The following SCN10A variants were observed in gnomAD, a reference collection of about 807,000 sequenced individuals.
SCN10A encodes the protein sodium voltage-gated channel alpha subunit 10.
In SCN10A, 162 loss-of-function variants were observed where a neutral mutation model predicts 170.7. The ratio of observed to expected loss-of-function variants is 0.95; its 90% CI spans 0.84 to 1.08. The LOEUF (loss-of-function observed/expected upper bound fraction) is 1.08, where lower values mean the gene tolerates loss of function less well. Ranked by LOEUF, SCN10A falls within the 50% of genes least tolerant of loss-of-function variation. The probability of loss-of-function intolerance (pLI) is 0.00; values close to 1 mark genes in which losing one functional copy is unlikely to be tolerated. For missense variants in SCN10A, 2,527 were observed against 2,436.9 expected (o/e 1.04, Z -0.78); for synonymous variants, 985 against 904.6 (o/e 1.09, Z -1.59).
At chr3:38,781,170 A>G (rs554774669) in intron 4 of SCN10A, among the ~76,000 whole-genome samples, 2 of 152,124 alleles carry the variant, frequency 1.3e-5, no homozygotes, top group Non-Finnish European at 2.9e-5. Context: ...GATGTGCGAT[A>G]AAAAGTGAAT....
rs1481868189 is a variant in SCN10A, at chr3:38,722,391, C to G, written c.3374G>C (p.Cys1125Ser). 4 of 1,613,842 alleles carry G rather than the reference C, an allele frequency of 2.5e-6. No homozygotes were observed. Among genetic ancestry groups the G allele is most frequent in the Non-Finnish European group, 2.5e-6 (3 of 1,179,922 alleles). ...ACTCTTGGTGGTATCCAGTTTGCAG[C>G]AGGGACAGTGGCGAATGCATCCTGT... ...FTEGCIRHCP[C>S]CKLDTTKSPW... is the part of the protein sequence containing the mutation. The change falls in exon 20 of 28, where the codon TGC becomes TCC. Residue 1125 changes from cysteine to serine, a missense_variant. Cys to Ser is a moderately radical substitution (Grantham distance 112, BLOSUM62 -1). Transcript: ENST00000449082.
At position 38,746,652 on chromosome 3, in the gene SCN10A, C is replaced by T. The variant is rs141806774; in HGVS notation, c.1867+3421G>A. Among the ~76,000 whole-genome samples, 774 of 152,224 alleles carry T rather than the reference C, an allele frequency of 5.1e-3. 8 individuals are homozygous for T. The highest frequency in any genetic ancestry group is 7.9e-3 in the Non-Finnish European group (534 of 68,018). ...CCCTCTAGCCTTATTTTCAGTTCTCCTGGTTCTCTAGGTTACAGCTACATT... is the reference window on the plus strand; with the variant it reads ...CCCTCTAGCCTTATTTTCAGTTCTCTTGGTTCTCTAGGTTACAGCTACATT... On this transcript the variant is annotated intron_variant, in intron 13 of 27. Coordinates refer to ENST00000449082, the MANE Select transcript of SCN10A (RefSeq NM_006514.4).
chr3:38,767,246 C>T (rs1274333886), intron 5 of SCN10A, among the ~76,000 whole-genome samples: 3 of 151,314 alleles, frequency 2.0e-5, no homozygotes, highest in African/African-American at 7.3e-5. Flanking sequence ...TTTAGTACTG[C>T]CCTGATCTTT....
chr3:38,725,095 G>T (rs1191976528), intron 18 of SCN10A, 79 bp downstream of exon 18: 16 of 1,369,550 alleles, frequency 1.2e-5, no homozygotes, highest in Non-Finnish European at 1.2e-5. Context: ...CACCTTCACC[G>T]CCACCCTCCA....
chr3:38,707,249 G>T (rs373337849), intron 26 of SCN10A, 30 bp downstream of exon 26: 4 of 1,603,974 alleles, frequency 2.5e-6, no homozygotes, highest in African/African-American at 1.3e-5. Flanking sequence ...TCACAGACAG[G>T]CTGTGCTAGA....
Position 38,697,495 on chromosome 3 carries a change from A to T in SCN10A, c.5725T>A (p.Ser1909Thr). 1 of 1,614,160 alleles carries T rather than the reference A, an allele frequency of 6.2e-7. No individual in the cohort carries two copies. The highest frequency in any genetic ancestry group is 8.5e-7 in the Non-Finnish European group (1 of 1,180,014). The part of the protein sequence containing the change: ...ANENCVLPDK[S>T]ETASATSFPP... ...AATGATGTGGCAGAAGCAGTTTCAGATTTGTCTGGGAGTACACAATTTTCA... is the reference window on the plus strand; with the variant it reads ...AATGATGTGGCAGAAGCAGTTTCAGTTTTGTCTGGGAGTACACAATTTTCA... Residue 1909 changes from serine (S) to threonine (T), a missense_variant, in exon 28 of 28, where the codon TCT becomes ACT. Ser to Thr is a moderately conservative substitution (Grantham distance 58). Transcript: ENST00000449082.
chr3:38,786,214 A>T (rs933361693), intron 4 of SCN10A, among the ~76,000 whole-genome samples: 1 of 152,138 alleles, frequency 6.6e-6, no homozygotes, highest in African/African-American at 2.4e-5. Context: ...AATAGCAAAG[A>T]CTTGGAACTA....
chr3:38,737,064 A>G (rs1024576618), intron 15 of SCN10A, among the ~76,000 whole-genome samples: 12 of 130,436 alleles, frequency 9.2e-5, no homozygotes, highest in Non-Finnish European at 1.5e-4. Flanking sequence ...TCCGCCTCCC[A>G]GGTTCACGCC....
At chr3:38,780,490 GT>G (rs2064126786) in intron 4 of SCN10A, among the ~76,000 whole-genome samples, 1 of 151,956 alleles carries the variant, frequency 6.6e-6, no homozygotes, top group Admixed American at 6.6e-5. Context: ...GTCTTAGCTT[GT>G]TTATATTATT....
At chr3:38,804,369 C>G (rs1383303386) in intron 1 of SCN10A, among the ~76,000 whole-genome samples, 2 of 152,104 alleles carry the variant, frequency 1.3e-5, no homozygotes, top group Non-Finnish European at 2.9e-5. Flanking sequence ...CTTTAACTCT[C>G]TCTTCATTTT....
At chr3:38,746,863 C>T (rs2063695900) in intron 13 of SCN10A, among the ~76,000 whole-genome samples, 1 of 152,156 alleles carries the variant, frequency 6.6e-6, no homozygotes, top group Non-Finnish European at 1.5e-5. Flanking sequence ...CTGGCTTGGA[C>T]AACAGTGAAA....
chr3:38,794,048 A>G lies in SCN10A; in HGVS notation c.-32-6T>C, dbSNP rs1038467705. 1 of 1,591,560 alleles carries G rather than the reference A, an allele frequency of 6.3e-7. No homozygotes were observed. Among genetic ancestry groups the G allele is most frequent in the Non-Finnish European group, 8.6e-7 (1 of 1,161,698 alleles). Reference sequence around the variant, plus strand: ...CTTCAGGAAGTATTTATACTCTTATAAGAGTGGACATAACCACAGAGAGGT... The same window carrying G: ...CTTCAGGAAGTATTTATACTCTTATGAGAGTGGACATAACCACAGAGAGGT... On this transcript the variant is annotated splice_polypyrimidine_tract_variant and splice_region_variant and intron_variant, in intron 1 of 27. Coordinates refer to ENST00000449082, the MANE Select transcript of SCN10A (RefSeq NM_006514.4).
chr3:38,764,833 C>T (rs1471919514), intron 5 of SCN10A, among the ~76,000 whole-genome samples: 1 of 152,176 alleles, frequency 6.6e-6, no homozygotes, highest in East Asian at 1.9e-4. Flanking sequence ...TTCCCACCAG[C>T]AGTGTAAAAT....
intron 4 of SCN10A, among the ~76,000 whole-genome samples, chr3:38,774,937 C>G (rs578129064): frequency 6.6e-6 from 1 of 152,120 alleles, no homozygotes; most frequent in Admixed American, 6.5e-5. Flanking sequence ...AGCTGCGTTC[C>G]GTGAATAAGG....
At chr3:38,713,836 CAG>C in intron 22 of SCN10A, 120 bp downstream of exon 22, 1 of 1,145,766 alleles carries the variant, frequency 8.7e-7, no homozygotes, top group Admixed American at 2.1e-5. Flanking sequence ...GCATGTTGGC[CAG>C]GGTGGTTTTG....
Position 38,704,507 on chromosome 3 carries a change from G to A in SCN10A, c.4387-2398C>T, listed in dbSNP as rs73825867. ...GCTCTTGGATTAGCCCACGGTCAGG[G>A]ATCATACCTTTGCAACCCTTGGTGC... On this transcript the variant is annotated intron_variant, in intron 26 of 27. Coordinates refer to ENST00000449082, the MANE Select transcript of SCN10A (RefSeq NM_006514.4). Among the ~76,000 whole-genome samples, 515 of 152,338 alleles carry A rather than the reference G, an allele frequency of 3.4e-3. 1 individual carries two copies. The highest frequency in any genetic ancestry group is 0.012 in the African/African-American group (482 of 41,570).
rs76523292 is a variant in SCN10A at position 38,777,536 on chromosome 3, A to G, written c.471-6129T>C. Among the ~76,000 whole-genome samples the G allele has an allele frequency of 3.7e-3, 556 of 152,238 alleles. 7 individuals are homozygous for G. The highest frequency in any genetic ancestry group is 0.013 in the African/African-American group (524 of 41,576). On this transcript the variant is annotated intron_variant, in intron 4 of 27. Coordinates refer to ENST00000449082, the MANE Select transcript of SCN10A (RefSeq NM_006514.4). ...CGATTCTTCCTGTGGTGATAAATCA[A>G]TTCAGTGCATTACCAAACAAAGTTT... is the stretch of plus-strand genomic sequence containing the variant.
At chr3:38,772,735 AC>A (rs77109472) in intron 4 of SCN10A, among the ~76,000 whole-genome samples, 2,951 of 69,340 alleles carry the variant, frequency 0.043, 48 homozygotes, top group African/African-American at 0.086. Context: ...AAAAACAAAA[AC>A]AAAAAAAAAA....
intron 1 of SCN10A, among the ~76,000 whole-genome samples, chr3:38,802,336 C>T (rs1334330029): frequency 2.0e-5 from 3 of 152,170 alleles, no homozygotes; most frequent in Non-Finnish European, 2.9e-5. Flanking sequence ...ATATCTCTAG[C>T]CCAAGTCTTT....
Sources: allele counts gnomAD v4.1 joint callset (sites outside exome capture counted in the v4.1 genomes callset), GRCh38; gene constraint gnomAD v4.1.1; transcripts MANE v1.5; gene names NCBI Gene and HGNC (gene_info 2026-07-23, HGNC 2026-07-21).